Variants in ART5 observed in about 807,000 individuals in gnomAD.
The protein encoded by ART5 is ecto-ADP-ribosyltransferase 5.
In ART5, 22 loss-of-function variants were observed where a neutral mutation model predicts 25.0. The observed-to-expected ratio is 0.88, with a 90% CI of 0.63 to 1.26. ART5 has a LOEUF of 1.26. Ranked by LOEUF, ART5 falls within the 50% of genes most tolerant of loss-of-function variation. The probability of loss-of-function intolerance (pLI) is 0.00; values close to 1 mark genes in which losing one functional copy is unlikely to be tolerated. For missense variants in ART5, 402 were observed against 372.8 expected, an observed-to-expected ratio of 1.08 and a Z score of -0.64; for synonymous variants, 161 against 154.8, an observed-to-expected ratio of 1.04 and a Z score of -0.30.
At position 3,638,763 on chromosome 11, in the gene ART5, G is replaced by T. The variant is rs2271586; in HGVS notation, c.851C>A (p.Thr284Lys). The T allele has an allele frequency of 0.22, 347,137 of 1,613,802 alleles. 42,223 individuals carry two copies. Among genetic ancestry groups the T allele is most frequent in the African/African-American group, 0.55 (41,010 of 74,910 alleles). Residue 284 changes from threonine to lysine, a missense_variant, in exon 4 of 4, where the codon ACG (threonine) becomes AAG (lysine). By Grantham distance (78) the Thr-to-Lys change is moderately conservative. Transcript: ENST00000397068. ...GALGTGDLHM[T>K]KRHLQQP ...TCAAGGCTGCTGGAGGTGCCTCTTC[G>T]TCATATGAAGGTCACCCGTTCCCAG... is the stretch of plus-strand genomic sequence containing the variant.
rs910763707 is a variant in ART5 at position 3,641,913 on chromosome 11, G to A, written c.-51C>T. On this transcript the variant is annotated 5_prime_UTR_variant, in exon 1 of 4. Coordinates refer to ENST00000397068, the MANE Select transcript of ART5 (RefSeq NM_053017.5). Reference sequence around the variant, plus strand: ...GGTCCGGGTGAGGGCGGGACCAGAGGTGCTGGAGTCCTGGTTTCGAGGGGC... The same window carrying A: ...GGTCCGGGTGAGGGCGGGACCAGAGATGCTGGAGTCCTGGTTTCGAGGGGC... The A allele has an allele frequency of 1.3e-6, 2 of 1,546,684 alleles. No individual in the cohort carries two copies. The highest frequency in any genetic ancestry group is 1.4e-5 in the African/African-American group (1 of 73,454).
chr11:3,641,993 A>G, upstream of ART5: 2 of 1,470,792 alleles, frequency 1.4e-6, no homozygotes, highest in Non-Finnish European at 1.8e-6. Context: ...GTCCAGGATT[A>G]GGGCCCCGGC....
upstream of ART5, chr11:3,642,368 G>A (rs2077419700): frequency 1.2e-6 from 1 of 824,690 alleles, no homozygotes; most frequent in Non-Finnish European, 1.5e-6. Context: ...GCCAGGGCAG[G>A]GACTGAGGAG....
At chr11:3,639,065 C>G (rs1996208) in intron 2 of ART5, 30 bp from the exon 3 acceptor site, 1 of 1,549,540 alleles carries the variant, frequency 6.5e-7, no homozygotes, top group Non-Finnish European at 8.7e-7. Context: ...GAGGCCTCCG[C>G]GTGGACAGAC....
In ART5 at chr11:3,638,537, C is replaced by T. The variant is rs575554546; in HGVS notation, c.*201G>A. The T allele has an allele frequency of 5.5e-5, 35 of 632,158 alleles. No homozygotes were observed. The highest frequency in any genetic ancestry group is 4.3e-4 in the Middle Eastern group (1 of 2,340). The allele number at this position is 632,158 out of a possible 1,614,324, so 39.2% of individuals were successfully genotyped here. On this transcript the variant is annotated 3_prime_UTR_variant, in exon 4 of 4. Transcript: ENST00000397068. ...TCCACACTGCAATACCATTTAATCA[C>T]GTAGCTACCTCAATAAAACTCCATG...
At position 3,639,644 on chromosome 11, in the gene ART5, C is replaced by A; in HGVS notation, c.785G>T (p.Gly262Val). ...TCSHFNCAYL[G>V]GEKRRGCVSA... The stretch of plus-strand genomic sequence containing the variant: ...TGCTTCCCCCATGCACAGCTTACCA[C>A]CCAGATAGGCGCAGTTAAAATGGCT... Residue 262 changes from glycine (G) to valine (V), a missense_variant and splice_region_variant, in exon 2 of 4, where the codon GGT (glycine) becomes GTT (valine). Physicochemically the swap from Gly to Val is moderately radical, Grantham distance 109. Transcript: ENST00000397068. 1.9e-6 allele frequency: 3 copies of A among 1,610,142 alleles called. No homozygotes were observed. Among genetic ancestry groups the A allele is most frequent in the Non-Finnish European group, 2.5e-6 (3 of 1,178,204 alleles).
Position 3,638,801 on chromosome 11 carries a change from G to T in ART5, c.821-8C>A, listed in dbSNP as rs1183406535. ...CACCCGTTCCCAGGGCTCCTAAGTG[G>T]CAGATGTTGGACTTTCAGGGCCCAA... is the stretch of plus-strand genomic sequence containing the variant. On this transcript the variant is annotated splice_polypyrimidine_tract_variant and splice_region_variant and intron_variant, in intron 3 of 3. Transcript: ENST00000397068. The T allele has an allele frequency of 6.2e-7, 1 of 1,614,024 alleles. No individual in the cohort carries two copies. The highest frequency in any genetic ancestry group is 8.5e-7 in the Non-Finnish European group (1 of 1,180,032).
chr11:3,641,857 C>T lies in ART5; in HGVS notation c.6G>A (p.Ala2=), dbSNP rs1279226805. Residue 2 remains alanine, a synonymous_variant, in exon 1 of 4, where the codon GCG becomes GCA. Transcript: ENST00000397068. M[A]LAALMIALGS... is the part of the protein sequence containing the mutation. ...CGAGGGCGATCATCAAAGCCGCCAG[C>T]GCCATCCCTGGAGGAGACGTGAGGG... 6.4e-7 allele frequency: 1 copy of T among 1,573,148 alleles called. No homozygotes were observed. The highest frequency in any genetic ancestry group is 1.3e-5 in the African/African-American group (1 of 74,682).
intron 1 of ART5, 100 bp downstream of exon 1, chr11:3,641,706 T>C (rs1338444729): frequency 5.2e-6 from 8 of 1,526,586 alleles, no homozygotes; most frequent in Non-Finnish European, 7.1e-6. Flanking sequence ...TAGGGAAGAG[T>C]CCCTGGGAGA....
chr11:3,639,994 T>C lies in ART5; in HGVS notation c.435A>G (p.Arg145=). ...GTCCCCTGCTGCAGCCCCCACTGCCTCGCAGCAGCTGCAGGGCCCGGATCA... is the reference window on the plus strand; with the variant it reads ...GTCCCCTGCTGCAGCCCCCACTGCCCCGCAGCAGCTGCAGGGCCCGGATCA... ...FYLIRALQLL[R]GSGGCSRGPG... is the part of the protein sequence containing the mutation. The change falls in exon 2 of 4, where the codon CGA becomes CGG. Residue 145 remains arginine, a synonymous_variant. Transcript: ENST00000397068. 1.2e-6 allele frequency: 2 copies of C among 1,614,110 alleles called. No individual in the cohort carries two copies. Among genetic ancestry groups the C allele is most frequent in the Non-Finnish European group, 1.7e-6 (2 of 1,180,026 alleles).
At position 3,641,992 on chromosome 11, in the gene ART5, T is replaced by C. The variant is rs11500164; in HGVS notation, c.-130A>G. On this transcript the variant is annotated 5_prime_UTR_variant, in exon 1 of 4. Transcript: ENST00000397068. ...GCGCACGGGATCCCGGGTCCAGGAT[T>C]AGGGCCCCGGCGGGGCGTGGGCGGG... The C allele has an allele frequency of 3.6e-6, 5 of 1,373,098 alleles. No individual in the cohort carries two copies. The highest frequency in any genetic ancestry group is 4.7e-6 in the Non-Finnish European group (5 of 1,058,516). 85.1% of individuals were successfully genotyped at this position (1,373,098 alleles called of 1,614,324 possible).
rs756923811 is a variant in ART5, at chr11:3,640,188, C to T, written c.241G>A (p.Gly81Arg). ...AQETWEDKRR[G>R]LTLPPGFKAQ... ...TTGAAGCCAGGGGGCAAGGTAAGCC[C>T]TCGACGCTTGTCCTCCCAGGTCTCC... Residue 81 changes from glycine (G) to arginine (R), a missense_variant, in exon 2 of 4, where the codon GGG (glycine) becomes AGG (arginine). Transcript: ENST00000397068. 1.9e-6 allele frequency: 3 copies of T among 1,614,030 alleles called. No homozygotes were observed. Among genetic ancestry groups the T allele is most frequent in the Non-Finnish European group, 2.5e-6 (3 of 1,180,048 alleles).
Position 3,640,067 on chromosome 11 carries a change from CG to C in ART5, c.361del (p.Arg121GlyfsTer5). 2 of 1,614,132 alleles carry C rather than the reference CG, an allele frequency of 1.2e-6. No homozygotes were observed. Among genetic ancestry groups the C allele is most frequent in the African/African-American group, 2.7e-5 (2 of 75,064 alleles). On this transcript the variant is annotated frameshift_variant, in exon 2 of 4. Coordinates refer to ENST00000397068, the MANE Select transcript of ART5 (RefSeq NM_053017.5). LOFTEE classifies it high-confidence loss of function. Reference protein sequence around the residue: ...NQAVRTGGGSRELYMRHFPFK... With the variant: ...NQAVRTGGGSXELYMRHFPFK... ...GGGAAAGTGCCTCATGTAGAGCTCC[CG>C]GGAGCCTCCGCCCGTCCGCACGGCC...
At chr11:3,642,020 C>T (rs1161144859), upstream of ART5, 3 of 1,439,590 alleles carry the variant, frequency 2.1e-6, no homozygotes, top group Non-Finnish European at 2.7e-6. Context: ...TGGGCGGGGC[C>T]TGGGAGTTTA....
intron 2 of ART5, 98 bp downstream of exon 2, chr11:3,639,544 C>T: frequency 3.4e-6 from 5 of 1,488,720 alleles, no homozygotes; most frequent in Non-Finnish European, 4.5e-6. Context: ...CCCCTTTAAC[C>T]AAGTGGGTCT....
upstream of ART5, chr11:3,642,319 C>G (rs536179973): frequency 3.4e-5 from 34 of 1,001,590 alleles, no homozygotes; most frequent in Admixed American, 1.6e-4. Flanking sequence ...AACCCGACAC[C>G]CCTTTCCCAG....
rs2077345510 is a variant in ART5 at position 3,638,526 on chromosome 11, C to T, written c.*212G>A. 2 of 615,998 alleles carry T rather than the reference C, an allele frequency of 3.2e-6. No individual in the cohort carries two copies. The highest frequency in any genetic ancestry group is 3.9e-5 in the South Asian group (2 of 51,184). 38.2% of individuals were successfully genotyped at this position (615,998 alleles called of 1,614,324 possible). Reference sequence around the variant, plus strand: ...AATTCCATGTCTCCACACTGCAATACCATTTAATCACGTAGCTACCTCAAT... The same window carrying T: ...AATTCCATGTCTCCACACTGCAATATCATTTAATCACGTAGCTACCTCAAT... On this transcript the variant is annotated 3_prime_UTR_variant, in exon 4 of 4. Transcript: ENST00000397068.
intron 1 of ART5, among the ~76,000 whole-genome samples, chr11:3,641,423 C>G (rs1832436131): frequency 6.6e-6 from 1 of 152,192 alleles, no homozygotes; most frequent in South Asian, 2.1e-4. Flanking sequence ...CTCTGAGACG[C>G]CTGAGTCCTC....
At chr11:3,638,885 G>A (rs1245638366) in intron 3 of ART5, 92 bp from the exon 4 acceptor site, 2 of 1,611,666 alleles carry the variant, frequency 1.2e-6, no homozygotes, top group African/African-American at 2.7e-5. Flanking sequence ...GGGGCAGAGA[G>A]GAGGCCCCCT....
Sources: allele counts gnomAD v4.1 joint callset (sites outside exome capture counted in the v4.1 genomes callset), GRCh38; gene constraint gnomAD v4.1.1; transcripts MANE v1.5; gene names NCBI Gene and HGNC (gene_info 2026-07-23, HGNC 2026-07-21).